Variants in CPNE8 observed in about 807,000 individuals in gnomAD.
CPNE8 encodes copine-8.
CPNE8 carries 45 observed loss-of-function variants against 81.5 expected under a neutral mutation model. The ratio of observed to expected loss-of-function variants is 0.55; its 90% CI spans 0.44 to 0.71. The LOEUF (loss-of-function observed/expected upper bound fraction) is 0.71, where lower values mean the gene tolerates loss of function less well. Among genes scored for constraint, CPNE8 ranks in the 30% least tolerant of loss-of-function variants. The pLI is 0.00. For synonymous variants in CPNE8, 252 were observed against 226.3 expected (o/e 1.11, Z -1.02); for missense variants, 594 against 672.1 (o/e 0.88, Z 1.28).
At chr12:38,807,996 G>A (rs1472808116) in intron 6 of CPNE8, among the ~76,000 whole-genome samples, 1 of 151,956 alleles carries the variant, frequency 6.6e-6, no homozygotes, top group Non-Finnish European at 1.5e-5. Flanking sequence ...AAAAACACAT[G>A]GAAAAATGCT....
At chr12:38,791,136 A>C (rs1942313101) in intron 6 of CPNE8, among the ~76,000 whole-genome samples, 1 of 151,792 alleles carries the variant, frequency 6.6e-6, no homozygotes, top group Admixed American at 6.6e-5. Flanking sequence ...TTATTAAATA[A>C]GATGTAACTG....
intron 1 of CPNE8, among the ~76,000 whole-genome samples, chr12:38,895,438 C>T (rs1944376291): frequency 6.6e-6 from 1 of 152,050 alleles, no homozygotes; most frequent in Non-Finnish European, 1.5e-5. Context: ...CAGACTATCA[C>T]CTCTCTCCAG....
intron 13 of CPNE8, among the ~76,000 whole-genome samples, chr12:38,712,113 G>A (rs144396618): frequency 8.3e-4 from 126 of 150,944 alleles, no homozygotes; most frequent in Middle Eastern, 3.4e-3. Flanking sequence ...TAAGAAATGG[G>A]ATTAAGGAAA....
intron 19 of CPNE8, among the ~76,000 whole-genome samples, chr12:38,669,842 A>G (rs1939134036): frequency 6.6e-6 from 1 of 152,138 alleles, no homozygotes; most frequent in Non-Finnish European, 1.5e-5. Flanking sequence ...CTAAAAGCAG[A>G]CTCGGGGGAT....
intron 6 of CPNE8, among the ~76,000 whole-genome samples, chr12:38,796,921 C>A (rs1003663873): frequency 6.6e-6 from 1 of 152,180 alleles, no homozygotes; most frequent in African/African-American, 2.4e-5. Flanking sequence ...GAGGGTCCTA[C>A]GTCCATGGAG....
At chr12:38,783,060 C>T (rs1001114430) in intron 6 of CPNE8, among the ~76,000 whole-genome samples, 1 of 152,224 alleles carries the variant, frequency 6.6e-6, no homozygotes, top group South Asian at 2.1e-4. Context: ...AAGATTGCTT[C>T]TTTTAACTGT....
rs1943661711 is a variant in CPNE8 at position 38,852,458 on chromosome 12, C to T, written c.187-3796G>A. Among the ~76,000 whole-genome samples the T allele has an allele frequency of 2.7e-5, 4 of 146,670 alleles. No individual in the cohort carries two copies. In the South Asian group the frequency reaches 8.6e-4, roughly 31 times the overall value. ...AAAAAAAAAAAAAAAAAAAATTAGCCAGGCGTGGTGGCGCATGCCTGTAAT... is the reference window on the plus strand; with the variant it reads ...AAAAAAAAAAAAAAAAAAAATTAGCTAGGCGTGGTGGCGCATGCCTGTAAT... On this transcript the variant is annotated intron_variant, in intron 3 of 19. Transcript: ENST00000331366.
intron 13 of CPNE8, among the ~76,000 whole-genome samples, chr12:38,710,851 G>A (rs960082361): frequency 4.6e-5 from 7 of 152,004 alleles, no homozygotes; most frequent in South Asian, 2.1e-4. Flanking sequence ...TAATATCACC[G>A]TACACTAGCA....
chr12:38,731,343 C>T (rs1940826941), intron 10 of CPNE8, among the ~76,000 whole-genome samples: 1 of 151,864 alleles, frequency 6.6e-6, no homozygotes, highest in Non-Finnish European at 1.5e-5. Context: ...GCTTAAAATC[C>T]ATGAAACTTT....
chr12:38,864,855 GCTAT>G (rs1565653688), intron 3 of CPNE8, among the ~76,000 whole-genome samples: 2 of 152,194 alleles, frequency 1.3e-5, no homozygotes, highest in African/African-American at 2.4e-5. Context: ...GGATCATATC[GCTAT>G]CTAAGATTAA....
intron 14 of CPNE8, among the ~76,000 whole-genome samples, chr12:38,696,431 G>C (rs1157691033): frequency 6.6e-6 from 1 of 151,656 alleles, no homozygotes; most frequent in African/African-American, 2.4e-5. Context: ...GTCTGGGACA[G>C]TGTTTGTATT....
At chr12:38,656,127 A>G (rs1938811473) in intron 19 of CPNE8, among the ~76,000 whole-genome samples, 1 of 151,950 alleles carries the variant, frequency 6.6e-6, no homozygotes, top group Non-Finnish European at 1.5e-5. Flanking sequence ...AAACAAAAAA[A>G]ACAAATTGAG....
chr12:38,815,818 A>G (rs147619972), intron 6 of CPNE8, among the ~76,000 whole-genome samples: 262 of 152,314 alleles, frequency 1.7e-3, no homozygotes, highest in African/African-American at 6.1e-3. Context: ...CATGGTAAGG[A>G]ATCATAAGGA....
intron 14 of CPNE8, among the ~76,000 whole-genome samples, chr12:38,699,275 A>T (rs994705296): frequency 6.6e-6 from 1 of 152,214 alleles, no homozygotes; most frequent in South Asian, 2.1e-4. Flanking sequence ...ACAATCTCAC[A>T]ATCAGTATAC....
At chr12:38,699,739 G>A (rs192446959) in intron 14 of CPNE8, among the ~76,000 whole-genome samples, 7 of 151,982 alleles carry the variant, frequency 4.6e-5, no homozygotes, top group African/African-American at 1.4e-4. Flanking sequence ...AGCATTTTCT[G>A]CGAGTGCAGG....
chr12:38,702,529 T>C (rs1049764449), intron 14 of CPNE8, among the ~76,000 whole-genome samples: 1 of 152,104 alleles, frequency 6.6e-6, no homozygotes, highest in Non-Finnish European at 1.5e-5. Context: ...TTCAGAATTA[T>C]AGTTATAGAT....
chr12:38,868,993 A>G (rs1943953983), intron 3 of CPNE8, among the ~76,000 whole-genome samples: 2 of 152,208 alleles, frequency 1.3e-5, no homozygotes, highest in Admixed American at 1.3e-4. Flanking sequence ...CAGTTGAATC[A>G]CATGAAACTG....
intron 14 of CPNE8, among the ~76,000 whole-genome samples, chr12:38,699,428 C>G (rs1275339737): frequency 6.6e-6 from 1 of 152,182 alleles, no homozygotes; most frequent in Non-Finnish European, 1.5e-5. Flanking sequence ...ATCCTTATGT[C>G]AAGGACAGCA....
intron 13 of CPNE8, among the ~76,000 whole-genome samples, chr12:38,718,619 G>A (rs1022391743): frequency 5.3e-5 from 8 of 152,120 alleles, no homozygotes; most frequent in African/African-American, 1.9e-4. Context: ...GAGTATTTTA[G>A]CATTACAATT....
Sources: gnomAD v4.1 joint callset for allele counts (sites outside exome capture counted in the v4.1 genomes callset) on GRCh38, gnomAD v4.1.1 for gene constraint, MANE v1.5 for transcripts, NCBI Gene and HGNC (gene_info 2026-07-23, HGNC 2026-07-21) for gene names.